SLC9A9: variants seen among roughly 807,000 people sequenced by gnomAD.
SLC9A9 encodes the protein sodium/hydrogen exchanger 9.
In SLC9A9, 62 loss-of-function variants were observed where a neutral mutation model predicts 77.8. The observed-to-expected ratio is 0.80, with a 90% confidence interval of 0.65 to 0.98. The LOEUF (loss-of-function observed/expected upper bound fraction) is 0.98, where lower values mean the gene tolerates loss of function less well. SLC9A9 is among the 50% of genes least tolerant of loss of function. SLC9A9 has a pLI of 0.00. For missense variants in SLC9A9, 775 were observed against 774.9 expected (o/e 1.00, Z 0.00); for synonymous variants, 320 against 283.5 (o/e 1.13, Z -1.29).
At chr3:143,606,853 G>T (rs2037937082) in intron 6 of SLC9A9, among the ~76,000 whole-genome samples, 2 of 152,090 alleles carry the variant, frequency 1.3e-5, no homozygotes, top group East Asian at 3.9e-4. Flanking sequence ...TATATCTGTT[G>T]CAGAAGAAAG....
At chr3:143,649,101 C>G (rs867178159) in intron 6 of SLC9A9, among the ~76,000 whole-genome samples, 1 of 152,192 alleles carries the variant, frequency 6.6e-6, no homozygotes, top group South Asian at 2.1e-4. Flanking sequence ...AATCTTGACA[C>G]CAGATCTTCT....
intron 4 of SLC9A9, among the ~76,000 whole-genome samples, chr3:143,785,561 G>A (rs1576724455): frequency 6.6e-6 from 1 of 152,210 alleles, no homozygotes; most frequent in Non-Finnish European, 1.5e-5. Flanking sequence ...TTGAGCCACA[G>A]AATTGTGAGC....
chr3:143,392,704 C>A (rs538713152), intron 12 of SLC9A9, among the ~76,000 whole-genome samples: 60 of 152,152 alleles, frequency 3.9e-4, no homozygotes, highest in African/African-American at 1.4e-3. Flanking sequence ...TTCAGGAGAC[C>A]CATCTCACGT....
At chr3:143,513,465 C>T (rs763690977) in intron 9 of SLC9A9, among the ~76,000 whole-genome samples, 2 of 152,214 alleles carry the variant, frequency 1.3e-5, no homozygotes, top group African/African-American at 2.4e-5. Context: ...ACTTCCCCCA[C>T]TGAAGTCTTG....
chr3:143,422,755 A>T (rs1328945489), intron 12 of SLC9A9, among the ~76,000 whole-genome samples: 2 of 152,214 alleles, frequency 1.3e-5, no homozygotes, highest in Admixed American at 6.5e-5. Flanking sequence ...GACATTATTT[A>T]AAAAAAGGAA....
intron 6 of SLC9A9, among the ~76,000 whole-genome samples, chr3:143,641,430 TGCCTAGGCAACA>T (rs1326349347): frequency 7.0e-6 from 1 of 142,768 alleles, no homozygotes; most frequent in Non-Finnish European, 1.5e-5. Context: ...CTTGCTCTGT[TGCCTAGGCAACA>T]GAGTGCAGTG....
intron 12 of SLC9A9, among the ~76,000 whole-genome samples, chr3:143,442,858 T>C (rs999481602): frequency 3.9e-5 from 6 of 152,078 alleles, no homozygotes; most frequent in Non-Finnish European, 7.4e-5. Flanking sequence ...GGAGAGGACA[T>C]GATGTTGTGT....
At chr3:143,759,274 C>T (rs1027652033) in intron 4 of SLC9A9, among the ~76,000 whole-genome samples, 2 of 152,208 alleles carry the variant, frequency 1.3e-5, no homozygotes, top group South Asian at 2.1e-4. Context: ...GTGTCCTGTC[C>T]CCTCCCCAGA....
chr3:143,358,824 G>A (rs2032660812), intron 14 of SLC9A9, among the ~76,000 whole-genome samples: 3 of 152,230 alleles, frequency 2.0e-5, no homozygotes, highest in South Asian at 2.1e-4. Flanking sequence ...AAATCAACAT[G>A]ATTGGTGAGA....
chr3:143,353,508 G>A (rs577587989), intron 14 of SLC9A9, among the ~76,000 whole-genome samples: 66 of 152,300 alleles, frequency 4.3e-4, no homozygotes, highest in African/African-American at 1.4e-3. Flanking sequence ...GGACATTGCT[G>A]GGATCTTCAT....
Position 143,561,559 on chromosome 3 carries a change from T to A in SLC9A9, c.1001-9109A>T, listed in dbSNP as rs117778029. Among the ~76,000 whole-genome samples the A allele has an allele frequency of 4.1e-3, 625 of 152,268 alleles. 18 individuals are homozygous for A. In the East Asian group the frequency reaches 0.072, roughly 18 times the overall value. On this transcript the variant is annotated intron_variant, in intron 8 of 15. Coordinates refer to ENST00000316549, the MANE Select transcript of SLC9A9 (RefSeq NM_173653.4). ...ACGCCTCTCAGCCCCTGTGGTATCT[T>A]GGGCCTCGATGCTTCCCAGGCTGCC... is the stretch of plus-strand genomic sequence containing the variant.
intron 12 of SLC9A9, among the ~76,000 whole-genome samples, chr3:143,431,181 G>A (rs1395041275): frequency 6.6e-6 from 1 of 152,028 alleles, no homozygotes; most frequent in Non-Finnish European, 1.5e-5. Context: ...CCTGCCATCT[G>A]CCTTCCTTCT....
chr3:143,731,461 G>C lies in SLC9A9; in HGVS notation c.534-38154C>G, dbSNP rs114215790. On this transcript the variant is annotated intron_variant, in intron 4 of 15. Coordinates refer to ENST00000316549, the MANE Select transcript of SLC9A9 (RefSeq NM_173653.4). ...GCTATCAGCCCTCACTTCATTTCCTGTGTCTCTCAATTCTCCAGCTCCACA... is the reference window on the plus strand; with the variant it reads ...GCTATCAGCCCTCACTTCATTTCCTCTGTCTCTCAATTCTCCAGCTCCACA... 4.0e-3 allele frequency among the ~76,000 whole-genome samples: 615 copies of C among 152,278 alleles called. 5 individuals are homozygous for C. Among genetic ancestry groups the C allele is most frequent in the African/African-American group, 0.014 (575 of 41,540 alleles).
At chr3:143,431,124 CA>C (rs11304410) in intron 12 of SLC9A9, among the ~76,000 whole-genome samples, 46,822 of 151,884 alleles carry the variant, frequency 0.31, 7,564 homozygotes, top group East Asian at 0.48. Flanking sequence ...TGGTGGTACT[CA>C]AGGCCTTTCA....
chr3:143,647,411 G>C (rs1270262371), intron 6 of SLC9A9, among the ~76,000 whole-genome samples: 2 of 152,064 alleles, frequency 1.3e-5, no homozygotes, highest in African/African-American at 4.8e-5. Context: ...TCAAACAAAT[G>C]GGCTTTTATT....
chr3:143,277,040 A>T (rs1938071254), intron 14 of SLC9A9, among the ~76,000 whole-genome samples: 1 of 152,238 alleles, frequency 6.6e-6, no homozygotes, highest in Non-Finnish European at 1.5e-5. Flanking sequence ...AAATGTTAAG[A>T]TAACTCTACT....
chr3:143,699,768 TC>T (rs1162361469), intron 4 of SLC9A9, among the ~76,000 whole-genome samples: 2 of 151,998 alleles, frequency 1.3e-5, no homozygotes, highest in Non-Finnish European at 2.9e-5. Flanking sequence ...GGACTCAAAT[TC>T]CTAGGTGATT....
intron 11 of SLC9A9, among the ~76,000 whole-genome samples, chr3:143,476,866 T>C (rs918260244): frequency 6.6e-6 from 1 of 152,186 alleles, no homozygotes; most frequent in Non-Finnish European, 1.5e-5. Flanking sequence ...CCAGGGATGC[T>C]GTTAAACATT....
intron 6 of SLC9A9, among the ~76,000 whole-genome samples, chr3:143,583,139 C>T (rs976466643): frequency 6.6e-6 from 1 of 151,826 alleles, no homozygotes; most frequent in Middle Eastern, 3.4e-3. Context: ...GGTGACAGAG[C>T]AAGACCTTGT....
Sources: gnomAD v4.1 joint callset for allele counts (sites outside exome capture counted in the v4.1 genomes callset) on GRCh38, gnomAD v4.1.1 for gene constraint, MANE v1.5 for transcripts, NCBI Gene and HGNC (gene_info 2026-07-23, HGNC 2026-07-21) for gene names.